CHIA: variants seen among roughly 807,000 people sequenced by gnomAD.
CHIA encodes the protein acidic mammalian chitinase.
In CHIA, 47 loss-of-function variants were observed where a neutral mutation model predicts 53.5. That is an observed-to-expected ratio of 0.88 (90% confidence interval 0.70 to 1.12). The LOEUF (loss-of-function observed/expected upper bound fraction) is 1.12, where lower values mean the gene tolerates loss of function less well. CHIA is among the 50% of genes most tolerant of loss of function. The pLI is 0.00. For synonymous variants in CHIA, 268 were observed against 222.2 expected, an observed-to-expected ratio of 1.21 and a Z score of -1.83; for missense variants, 652 against 592.2, an observed-to-expected ratio of 1.10 and a Z score of -1.05.
chr1:111,320,299 G>A lies in CHIA; in HGVS notation c.1264G>A (p.Gly422Ser). 6.2e-7 allele frequency: 1 copy of A among 1,614,076 alleles called. No homozygotes were observed. The highest frequency in any genetic ancestry group is 1.1e-5 in the South Asian group (1 of 90,934). Residue 422 changes from glycine to serine, a missense_variant, in exon 12 of 12, where the codon GGC (glycine) becomes AGC (serine). By Grantham distance (56) the Gly-to-Ser change is moderately conservative. Transcript: ENST00000369740. The part of the protein sequence containing the change: ...GNGSGSSSSG[G>S]SSGGSGFCAV... ...CGGGAGCGGGAGTAGCAGCTCTGGA[G>A]GCAGCTCGGGAGGCAGTGGATTCTG...
chr1:111,320,275 G>A lies in CHIA; in HGVS notation c.1240G>A (p.Gly414Arg), dbSNP rs199811046. 1.5e-5 allele frequency: 25 copies of A among 1,614,102 alleles called. No individual in the cohort carries two copies. Among genetic ancestry groups the A allele is most frequent in the Middle Eastern group, 1.6e-4 (1 of 6,084 alleles). The stretch of plus-strand genomic sequence containing the variant: ...TGCTGCTCCCAGTGGCAGCGGGAAC[G>A]GGAGCGGGAGTAGCAGCTCTGGAGG... The part of the protein sequence containing the change: ...ITAAPSGSGN[G>R]SGSSSSGGSS... Residue 414 changes from glycine to arginine, a missense_variant, in exon 12 of 12, where the codon GGG (glycine) becomes AGG (arginine). Coordinates refer to ENST00000369740, the MANE Select transcript of CHIA (RefSeq NM_201653.4).
chr1:111,318,994 A>G (rs1649413737), intron 9 of CHIA, 126 bp from the exon 10 acceptor site: 3 of 1,338,658 alleles, frequency 2.2e-6, no homozygotes, highest in Non-Finnish European at 2.0e-6. Flanking sequence ...TTTACTACAA[A>G]TAAAAACCTG....
At chr1:111,318,178 A>T (rs1649329100) in intron 8 of CHIA, 69 bp downstream of exon 8, 1 of 1,361,724 alleles carries the variant, frequency 7.3e-7, no homozygotes, top group South Asian at 1.3e-5. Flanking sequence ...ATTCAGGCAC[A>T]AAAGGCATCA....
chr1:111,311,712 C>G lies in CHIA; in HGVS notation c.49C>G (p.Gln17Glu), dbSNP rs1557742626. 1 of 1,613,662 alleles carries G rather than the reference C, an allele frequency of 6.2e-7. No individual in the cohort carries two copies. The highest frequency in any genetic ancestry group is 1.3e-5 in the African/African-American group (1 of 74,848). Reference protein sequence around the residue: ...LTGLVLILNLQLGSAYQLTCY... With the variant: ...LTGLVLILNLELGSAYQLTCY... ...AGGTCTTGTCCTTATACTGAATTTG[C>G]AGCTCGGTAAGTCATGGACTCCATG... Residue 17 changes from glutamine (Q) to glutamate (E), a missense_variant, in exon 3 of 12, where the codon CAG becomes GAG. Transcript: ENST00000369740.
Position 111,299,594 on chromosome 1 carries a change from T to C in CHIA, c.-69+8644T>C, listed in dbSNP as rs12123216. ...GGTATTGATGGAATGTATCTCAAAA[T>C]AATAAGAACTATTTATGACAAACCC... is the stretch of plus-strand genomic sequence containing the variant. On this transcript the variant is annotated intron_variant, in intron 1 of 11. Coordinates refer to ENST00000369740, the MANE Select transcript of CHIA (RefSeq NM_201653.4). 6.1e-3 allele frequency among the ~76,000 whole-genome samples: 922 copies of C among 152,224 alleles called. 1 individual carries two copies. The highest frequency in any genetic ancestry group is 9.2e-3 in the Non-Finnish European group (627 of 68,020).
chr1:111,302,083 T>G (rs1178305392), intron 1 of CHIA, among the ~76,000 whole-genome samples: 1 of 152,200 alleles, frequency 6.6e-6, no homozygotes, highest in African/African-American at 2.4e-5. Flanking sequence ...TCCTTTTTAT[T>G]TTTTATAGTC....
Position 111,317,797 on chromosome 1 carries a change from A to T in CHIA, c.597A>T (p.Gln199His). Residue 199 changes from glutamine to histidine, a missense_variant, in exon 7 of 12, where the codon CAA becomes CAT. Coordinates refer to ENST00000369740, the MANE Select transcript of CHIA (RefSeq NM_201653.4). Reference sequence around the variant, plus strand: ...TCCAGTCTGGCTATGAGATCCCCCAACTGTCACAGTGAGTGATGTGCCTTA... The same window carrying T: ...TCCAGTCTGGCTATGAGATCCCCCATCTGTCACAGTGAGTGATGTGCCTTA... ...SNIQSGYEIP[Q>H]LSQYLDYIHV... The T allele has an allele frequency of 1.2e-6, 2 of 1,613,604 alleles. No homozygotes were observed. Among genetic ancestry groups the T allele is most frequent in the Non-Finnish European group, 1.7e-6 (2 of 1,179,994 alleles).
intron 1 of CHIA, among the ~76,000 whole-genome samples, chr1:111,309,370 T>C (rs978801403): frequency 1.4e-4 from 22 of 152,354 alleles, no homozygotes; most frequent in African/African-American, 4.8e-4. Flanking sequence ...TGATCACCCA[T>C]ATTCCCGCCA....
chr1:111,301,705 C>CA (rs35562130), intron 1 of CHIA, among the ~76,000 whole-genome samples: 14,336 of 104,538 alleles, frequency 0.14, 1,168 homozygotes, highest in East Asian at 0.34. Context: ...ACTCTCTCTC[C>CA]AAAAAAAAAA....
chr1:111,318,224 T>C (rs1032918144), intron 8 of CHIA, 115 bp downstream of exon 8: 111 of 1,158,052 alleles, frequency 9.6e-5, no homozygotes, highest in Non-Finnish European at 1.3e-4. Context: ...GAAATTAGGC[T>C]GCCATAATTA....
chr1:111,319,588 G>T, intron 11 of CHIA, 120 bp downstream of exon 11: 1 of 912,538 alleles, frequency 1.1e-6, no homozygotes, highest in Non-Finnish European at 1.7e-6. Flanking sequence ...TCACCTCACC[G>T]CTCTTGCCCA....
chr1:111,319,988 T>C (rs550766219), intron 11 of CHIA, among the ~76,000 whole-genome samples: 6 of 152,308 alleles, frequency 3.9e-5, no homozygotes, highest in African/African-American at 1.4e-4. Flanking sequence ...TTAGATGTTA[T>C]AAGGAAAGAG....
In CHIA at chr1:111,315,327, C is replaced by T. The variant is rs1273983028; in HGVS notation, c.372C>T (p.Ile124=). 1.9e-6 allele frequency: 3 copies of T among 1,613,514 alleles called. No homozygotes were observed. The highest frequency in any genetic ancestry group is 1.3e-5 in the African/African-American group (1 of 74,878). The part of the protein sequence containing the change: ...ENRQTFITSV[I]KFLRQYEFDG... ...GCCAGACTTTCATCACCTCAGTCAT[C>T]AAATTCCTGCGCCAGTATGAGTTTG... Residue 124 remains isoleucine, a synonymous_variant, in exon 6 of 12, where the codon ATC becomes ATT. Transcript: ENST00000369740.
At chr1:111,293,692 T>C (rs190126228) in intron 1 of CHIA, among the ~76,000 whole-genome samples, 1 of 152,324 alleles carries the variant, frequency 6.6e-6, no homozygotes, top group African/African-American at 2.4e-5. Context: ...TTGCCCTATG[T>C]TTTCTTCTAA....
chr1:111,297,145 C>A (rs1461976116), intron 1 of CHIA, among the ~76,000 whole-genome samples: 1 of 152,212 alleles, frequency 6.6e-6, no homozygotes, highest in Non-Finnish European at 1.5e-5. Flanking sequence ...TGTTGGAAAA[C>A]ACTCTGCAGG....
intron 1 of CHIA, among the ~76,000 whole-genome samples, chr1:111,298,129 C>T (rs1316524500): frequency 6.6e-6 from 1 of 152,034 alleles, no homozygotes. Flanking sequence ...ACTTAGACTC[C>T]CACACAATAA....
intron 2 of CHIA, 33 bp from the exon 3 acceptor site, chr1:111,311,656 G>T (rs762787073): frequency 2.5e-6 from 4 of 1,613,112 alleles, no homozygotes; most frequent in Middle Eastern, 1.6e-4. Flanking sequence ...ACAGACAATC[G>T]GTTCAAAGTA....
At chr1:111,299,615 A>G (rs897766566) in intron 1 of CHIA, among the ~76,000 whole-genome samples, 2 of 152,174 alleles carry the variant, frequency 1.3e-5, no homozygotes, top group East Asian at 3.8e-4. Context: ...ATTTATGACA[A>G]ACCCACAGCC....
chr1:111,314,361 A>G (rs1411929615), intron 4 of CHIA, among the ~76,000 whole-genome samples, 179 bp from the exon 5 acceptor site: 1 of 152,226 alleles, frequency 6.6e-6, no homozygotes, highest in East Asian at 1.9e-4. Context: ...CCCTGAGTGC[A>G]TTCATGACAG....
Sources: gnomAD v4.1 joint callset for allele counts (sites outside exome capture counted in the v4.1 genomes callset) on GRCh38, gnomAD v4.1.1 for gene constraint, MANE v1.5 for transcripts, NCBI Gene and HGNC (gene_info 2026-07-23, HGNC 2026-07-21) for gene names.